Variants in NRXN1 observed in about 807,000 individuals in gnomAD.
NRXN1 encodes neurexin 1.
In NRXN1, 39 loss-of-function variants were observed where a neutral mutation model predicts 150.9. The ratio of observed to expected loss-of-function variants is 0.26; its 90% CI spans 0.20 to 0.34. The LOEUF is 0.34. Among genes scored for constraint, NRXN1 ranks in the 10% least tolerant of loss-of-function variants. The pLI, the probability that NRXN1 is intolerant of heterozygous loss-of-function variation, is 1.00. For synonymous variants in NRXN1, 924 were observed against 757.0 expected, an observed-to-expected ratio of 1.22 and a Z score of -3.62; for missense variants, 1,815 against 1,949.9, an observed-to-expected ratio of 0.93 and a Z score of 1.30.
At chr2:50,330,120 G>T (rs745852697) in intron 17 of NRXN1, among the ~76,000 whole-genome samples, 19 of 152,062 alleles carry the variant, frequency 1.2e-4, no homozygotes, top group Non-Finnish European at 2.4e-4. Flanking sequence ...TGTGTATGAT[G>T]CCATATTAGT....
In NRXN1 at chr2:50,652,829, C is replaced by T. The variant is rs569162079; in HGVS notation, c.833-29214G>A. On this transcript the variant is annotated intron_variant, in intron 5 of 22. Transcript: ENST00000401669. ...GCAATGTATGAAGGTTCCATTTATC[C>T]ATATATTTACTAACACTGGTTATTG... Among the ~76,000 whole-genome samples, 168 of 152,086 alleles carry T rather than the reference C, an allele frequency of 1.1e-3. 3 individuals carry two copies. The highest frequency in any genetic ancestry group is 2.1e-3 in the South Asian group (10 of 4,818).
chr2:50,319,081 C>T (rs1353945679), intron 17 of NRXN1, among the ~76,000 whole-genome samples: 1 of 151,872 alleles, frequency 6.6e-6, no homozygotes, highest in East Asian at 1.9e-4. Context: ...ATTAAAAAAT[C>T]ACATTTAAAG....
At chr2:50,938,937 C>T (rs1003067883) in intron 2 of NRXN1, among the ~76,000 whole-genome samples, 2 of 152,004 alleles carry the variant, frequency 1.3e-5, no homozygotes, top group Non-Finnish European at 2.9e-5. Flanking sequence ...AGGGGCTGAG[C>T]GCGGTGGCTC....
chr2:51,016,797 A>T (rs185956211), intron 2 of NRXN1, among the ~76,000 whole-genome samples: 7 of 152,276 alleles, frequency 4.6e-5, no homozygotes, highest in Non-Finnish European at 8.8e-5. Context: ...ATAAAGACAC[A>T]TGCACATATA....
chr2:50,043,803 T>C (rs1246489316), intron 21 of NRXN1, among the ~76,000 whole-genome samples: 1 of 152,158 alleles, frequency 6.6e-6, no homozygotes, highest in African/African-American at 2.4e-5. Flanking sequence ...ACTCCTCACT[T>C]GGTTCATTCT....
At chr2:49,974,212 C>T (rs1183015783) in intron 21 of NRXN1, 2 of 695,174 alleles carry the variant, frequency 2.9e-6, no homozygotes, top group South Asian at 1.5e-5. Context: ...AACGCTCTGT[C>T]AGTCACGTGT....
rs761599312 is a variant in NRXN1 at position 50,484,269 on chromosome 2, AT to A, written c.3070+11635del. ...TCCTTAAGTATCTGAACATTTCTGTATTTTTTTTTCCAAAAAAGAATTCCTT... is the reference window on the plus strand; with the variant it reads ...TCCTTAAGTATCTGAACATTTCTGTATTTTTTTTCCAAAAAAGAATTCCTT... On this transcript the variant is annotated intron_variant, in intron 15 of 22. Coordinates refer to ENST00000401669, the MANE Select transcript of NRXN1 (RefSeq NM_001330078.2). Among the ~76,000 whole-genome samples, 10 of 151,586 alleles carry A rather than the reference AT, an allele frequency of 6.6e-5. No homozygotes were observed. In the East Asian group the frequency reaches 1.4e-3, roughly 21 times the overall value.
At chr2:50,266,367 T>G (rs1165573516) in intron 17 of NRXN1, among the ~76,000 whole-genome samples, 1 of 149,268 alleles carries the variant, frequency 6.7e-6, no homozygotes, top group African/African-American at 2.4e-5. Context: ...CAGTGTGAAT[T>G]CAACATAACT....
rs529744262 is a variant in NRXN1, at chr2:50,008,292, G to A, written c.4128+44979C>T. 2.0e-4 allele frequency among the ~76,000 whole-genome samples: 31 copies of A among 152,174 alleles called. 1 individual carries two copies. The East Asian group carries it at 2.3e-3, about 11-fold the overall frequency. On this transcript the variant is annotated intron_variant, in intron 21 of 22. Transcript: ENST00000401669. Reference sequence around the variant, plus strand: ...CTAATGAACAGAACACTAGAGAACTGGGTTTGGATCTAACTTTTGGTTCTT... The same window carrying A: ...CTAATGAACAGAACACTAGAGAACTAGGTTTGGATCTAACTTTTGGTTCTT...
intron 5 of NRXN1, among the ~76,000 whole-genome samples, chr2:50,858,457 G>A (rs1191999965): frequency 6.6e-6 from 1 of 151,912 alleles, no homozygotes; most frequent in Non-Finnish European, 1.5e-5. Context: ...CATTTAAGTT[G>A]AGTAACAGCT....
chr2:50,421,001 T>C (rs1176599632), intron 17 of NRXN1, among the ~76,000 whole-genome samples: 2 of 150,440 alleles, frequency 1.3e-5, no homozygotes, highest in East Asian at 3.9e-4. Flanking sequence ...TGTGTGTGTG[T>C]GTGTGTGTGT....
At chr2:50,381,777 T>C (rs533003369) in intron 17 of NRXN1, among the ~76,000 whole-genome samples, 31 of 152,270 alleles carry the variant, frequency 2.0e-4, no homozygotes, top group African/African-American at 7.2e-4. Flanking sequence ...AAACTAATTG[T>C]AGAACCAGCC....
intron 18 of NRXN1, among the ~76,000 whole-genome samples, chr2:50,177,126 C>G (rs2060402755): frequency 6.6e-6 from 1 of 152,072 alleles, no homozygotes; most frequent in Non-Finnish European, 1.5e-5. Flanking sequence ...ATTTTAGATG[C>G]AGGGAGTACA....
At chr2:50,820,131 G>GAA (rs148836913) in intron 5 of NRXN1, among the ~76,000 whole-genome samples, 1 of 151,614 alleles carries the variant, frequency 6.6e-6, no homozygotes, top group Non-Finnish European at 1.5e-5. Context: ...ATGGGGATAT[G>GAA]AAAAAAAACA....
chr2:50,672,650 T>A (rs1282282779), intron 5 of NRXN1, among the ~76,000 whole-genome samples: 1 of 151,754 alleles, frequency 6.6e-6, no homozygotes, highest in African/African-American at 2.4e-5. Context: ...TAGCAAGGTT[T>A]AAAAAAAAGA....
At chr2:50,188,199 A>C (rs1031070156) in intron 18 of NRXN1, among the ~76,000 whole-genome samples, 3 of 152,108 alleles carry the variant, frequency 2.0e-5, no homozygotes, top group South Asian at 2.1e-4. Context: ...AACAGAATGG[A>C]GGCCTCAGAA....
At position 50,086,083 on chromosome 2, in the gene NRXN1, C is replaced by G. The variant is rs1036725246; in HGVS notation, c.3718+5240G>C. On this transcript the variant is annotated intron_variant, in intron 19 of 22. Coordinates refer to ENST00000401669, the MANE Select transcript of NRXN1 (RefSeq NM_001330078.2). Reference sequence around the variant, plus strand: ...AAATGAAGGACGTGGAATAGAAGAACGTTGAAGTTCCTTCCCTCCTTCAAA... The same window carrying G: ...AAATGAAGGACGTGGAATAGAAGAAGGTTGAAGTTCCTTCCCTCCTTCAAA... 3.3e-5 allele frequency among the ~76,000 whole-genome samples: 5 copies of G among 152,092 alleles called. No homozygotes were observed. In the East Asian group the frequency reaches 7.7e-4, roughly 23 times the overall value.
At chr2:50,785,324 C>T (rs904261204) in intron 5 of NRXN1, among the ~76,000 whole-genome samples, 1 of 148,430 alleles carries the variant, frequency 6.7e-6, no homozygotes, top group African/African-American at 2.5e-5. Flanking sequence ...TCTCAGCTCA[C>T]TGCAAGCTCC....
intron 17 of NRXN1, among the ~76,000 whole-genome samples, chr2:50,421,363 A>G (rs2083985820): frequency 6.6e-6 from 1 of 152,118 alleles, no homozygotes; most frequent in Non-Finnish European, 1.5e-5. Context: ...ACATTAAAAT[A>G]TAAATTCATG....
Sources: gnomAD v4.1 joint callset for allele counts (sites outside exome capture counted in the v4.1 genomes callset) on GRCh38, gnomAD v4.1.1 for gene constraint, MANE v1.5 for transcripts, NCBI Gene and HGNC (gene_info 2026-07-23, HGNC 2026-07-21) for gene names.